The following NKAIN2 variants were observed in gnomAD, a reference collection of about 807,000 sequenced individuals.
NKAIN2 encodes the protein sodium/potassium transporting ATPase interacting 2.
Under a neutral mutation model 32.6 loss-of-function variants are expected in NKAIN2, and 14 were observed. The ratio of observed to expected loss-of-function variants is 0.43; its 90% CI spans 0.28 to 0.67. NKAIN2 has a LOEUF of 0.67. NKAIN2 is among the 30% of genes least tolerant of loss of function. The probability of loss-of-function intolerance (pLI) is 0.17; values close to 1 mark genes in which losing one functional copy is unlikely to be tolerated. For missense variants in NKAIN2, 198 were observed against 258.3 expected (o/e 0.77, Z 1.60); for synonymous variants, 80 against 87.2 (o/e 0.92, Z 0.46).
chr6:124,552,061 C>T (rs1008533238), intron 3 of NKAIN2, among the ~76,000 whole-genome samples: 4 of 152,138 alleles, frequency 2.6e-5, no homozygotes, highest in Admixed American at 6.5e-5. Context: ...TCCCTCTGCA[C>T]GGTGGACTTG....
At chr6:124,675,968 G>A (rs1773338577) in intron 4 of NKAIN2, among the ~76,000 whole-genome samples, 1 of 151,884 alleles carries the variant, frequency 6.6e-6, no homozygotes, top group Admixed American at 6.6e-5. Context: ...ATTTACCACT[G>A]TAAACTGCTT....
chr6:123,849,958 T>G (rs957521437), intron 1 of NKAIN2, among the ~76,000 whole-genome samples: 16 of 87,176 alleles, frequency 1.8e-4, no homozygotes, highest in African/African-American at 4.6e-4. Context: ...GGTTTTTTTT[T>G]TTTGTTTGTT....
intron 1 of NKAIN2, among the ~76,000 whole-genome samples, chr6:123,841,397 A>G (rs189146600): frequency 3.3e-5 from 5 of 152,344 alleles, no homozygotes; most frequent in East Asian, 3.9e-4. Flanking sequence ...TTTTCAAGGC[A>G]TAGTAATTAA....
At chr6:124,767,011 C>T (rs563912970) in intron 4 of NKAIN2, among the ~76,000 whole-genome samples, 1 of 152,220 alleles carries the variant, frequency 6.6e-6, no homozygotes, top group South Asian at 2.1e-4. Flanking sequence ...TCTCCTGCCT[C>T]AGCCTCCCAA....
At chr6:124,710,010 C>A (rs542178277) in intron 4 of NKAIN2, among the ~76,000 whole-genome samples, 1 of 151,920 alleles carries the variant, frequency 6.6e-6, no homozygotes, top group Non-Finnish European at 1.5e-5. Context: ...AAATGTGTCC[C>A]AGAGATTCTG....
intron 1 of NKAIN2, among the ~76,000 whole-genome samples, chr6:123,918,504 A>G (rs1775599161): frequency 6.6e-6 from 1 of 152,216 alleles, no homozygotes; most frequent in Non-Finnish European, 1.5e-5. Context: ...CCTTTTCATC[A>G]ATTGCAACCA....
intron 1 of NKAIN2, chr6:124,121,875 C>T: frequency 8.4e-7 from 1 of 1,195,622 alleles, no homozygotes; most frequent in Non-Finnish European, 1.1e-6. Context: ...GGTATATTTA[C>T]AGGTACTGAA....
chr6:124,513,033 A>G (rs1778775573), intron 3 of NKAIN2, among the ~76,000 whole-genome samples: 1 of 152,192 alleles, frequency 6.6e-6, no homozygotes. Context: ...TCCTCTTCTG[A>G]GAATGCAGAA....
intron 1 of NKAIN2, among the ~76,000 whole-genome samples, chr6:124,272,190 G>A (rs1008069667): frequency 1.3e-5 from 2 of 152,218 alleles, no homozygotes; most frequent in Non-Finnish European, 2.9e-5. Context: ...TGGGGAAAAT[G>A]TCTCCAGGCC....
chr6:124,139,811 G>A (rs1787046191), intron 1 of NKAIN2, among the ~76,000 whole-genome samples: 3 of 152,242 alleles, frequency 2.0e-5, no homozygotes, highest in African/African-American at 7.2e-5. Flanking sequence ...GAACACTAGT[G>A]TTTGGGAGAA....
chr6:124,146,396 A>G (rs1787403158), intron 1 of NKAIN2, among the ~76,000 whole-genome samples: 2 of 152,252 alleles, frequency 1.3e-5, no homozygotes, highest in South Asian at 4.1e-4. Context: ...AGCATTAAAA[A>G]TAAATTATCA....
intron 5 of NKAIN2, among the ~76,000 whole-genome samples, chr6:124,807,212 A>G (rs1780613393): frequency 6.6e-6 from 1 of 152,224 alleles, no homozygotes; most frequent in South Asian, 2.1e-4. Context: ...CACCACACCT[A>G]TTCCAAAATT....
At chr6:124,766,265 G>A (rs1399832479) in intron 4 of NKAIN2, among the ~76,000 whole-genome samples, 4 of 152,116 alleles carry the variant, frequency 2.6e-5, no homozygotes, top group Non-Finnish European at 5.9e-5. Flanking sequence ...TGCCTCTTAG[G>A]ACTTTTGAGA....
At chr6:124,595,594 T>C (rs529476667) in intron 3 of NKAIN2, among the ~76,000 whole-genome samples, 1 of 152,292 alleles carries the variant, frequency 6.6e-6, no homozygotes, top group Admixed American at 6.5e-5. Flanking sequence ...CTCAGGGAAC[T>C]TGTTGAAATT....
chr6:124,645,764 A>C (rs544645484), intron 3 of NKAIN2, among the ~76,000 whole-genome samples: 3 of 152,302 alleles, frequency 2.0e-5, no homozygotes, highest in Admixed American at 6.5e-5. Flanking sequence ...ATAAGAATAA[A>C]CATAATAGAA....
intron 3 of NKAIN2, among the ~76,000 whole-genome samples, chr6:124,461,749 A>G (rs576589892): frequency 3.9e-5 from 6 of 151,994 alleles, no homozygotes; most frequent in Admixed American, 6.6e-5. Context: ...TATTTTCTCT[A>G]AAATATTTTA....
At chr6:124,392,586 G>A (rs1247130999) in intron 3 of NKAIN2, among the ~76,000 whole-genome samples, 1 of 152,112 alleles carries the variant, frequency 6.6e-6, no homozygotes, top group Non-Finnish European at 1.5e-5. Flanking sequence ...GGCTATGCTA[G>A]ACTGTAGCAG....
intron 1 of NKAIN2, among the ~76,000 whole-genome samples, chr6:124,248,525 G>A (rs183731956): frequency 1.3e-4 from 20 of 151,828 alleles, no homozygotes; most frequent in African/African-American, 3.9e-4. Context: ...TTTTTAAAAG[G>A]CTCTCTTAAT....
chr6:124,577,248 G>A (rs1781366228), intron 3 of NKAIN2, among the ~76,000 whole-genome samples: 2 of 152,106 alleles, frequency 1.3e-5, no homozygotes, highest in South Asian at 4.1e-4. Flanking sequence ...CCAAAATCAG[G>A]TGAGTGATCA....
Sources: allele counts gnomAD v4.1 joint callset (sites outside exome capture counted in the v4.1 genomes callset), GRCh38; gene constraint gnomAD v4.1.1; transcripts MANE v1.5; gene names NCBI Gene and HGNC (gene_info 2026-07-23, HGNC 2026-07-21).